The following NWD1 variants were observed in gnomAD, a reference collection of about 807,000 sequenced individuals.
NWD1 encodes the protein NACHT and WD repeat domain containing 1, also known as NACHT domain- and WD repeat-containing protein 1.
NWD1 carries 129 observed loss-of-function variants against 135.1 expected under a neutral mutation model. The ratio of observed to expected loss-of-function variants is 0.96; its 90% CI spans 0.83 to 1.11. The LOEUF is 1.11. NWD1 is among the 50% of genes least tolerant of loss of function. The pLI is 0.00. For missense variants in NWD1, 1,740 were observed against 1,851.3 expected (o/e 0.94, Z 1.10); for synonymous variants, 773 against 786.0 (o/e 0.98, Z 0.28).
At chr19:16,743,438 G>A (rs1379244312) in intron 4 of NWD1, among the ~76,000 whole-genome samples, 3 of 149,096 alleles carry the variant, frequency 2.0e-5, no homozygotes, top group Non-Finnish European at 3.0e-5. Flanking sequence ...TAACTCCTGG[G>A]CTCAAGAGAT....
chr19:16,791,318 A>C, intron 13 of NWD1, 32 bp from the exon 14 acceptor site: 1 of 1,601,452 alleles, frequency 6.2e-7, no homozygotes, highest in Non-Finnish European at 8.5e-7. Context: ...GTCTCCTGCC[A>C]AGATGCTGCT....
At position 16,799,751 on chromosome 19, in the gene NWD1, A is replaced by C. The variant is rs1170748923; in HGVS notation, c.3460-135A>C. ...TCGAACTCCTGACCTCAGGTGATCC[A>C]CCTGCCTCAGCCTCCCAAAGTGTTG... On this transcript the variant is annotated intron_variant, in intron 16 of 18. Transcript: ENST00000524140. 5.7e-6 allele frequency: 4 copies of C among 702,804 alleles called. No individual in the cohort carries two copies. The East Asian group carries it at 7.9e-5, about 14-fold the overall frequency. 43.5% of individuals were successfully genotyped at this position (702,804 alleles called of 1,614,324 possible). A position where few individuals can be genotyped will look rare whatever the true frequency, so the allele number is the denominator to read the frequency against.
intron 10 of NWD1, among the ~76,000 whole-genome samples, chr19:16,766,387 G>A (rs889597748): frequency 1.3e-5 from 2 of 152,114 alleles, no homozygotes; most frequent in African/African-American, 2.4e-5. Context: ...GGGTGACAGA[G>A]CGAGACCCTG....
At chr19:16,779,090 G>C (rs1372892161) in intron 11 of NWD1, among the ~76,000 whole-genome samples, 1 of 152,158 alleles carries the variant, frequency 6.6e-6, no homozygotes, top group East Asian at 1.9e-4. Flanking sequence ...AGACTAGACA[G>C]ACACTTATGA....
At chr19:16,745,467 A>G (rs1401424389) in intron 5 of NWD1, among the ~76,000 whole-genome samples, 5 of 151,614 alleles carry the variant, frequency 3.3e-5, no homozygotes, top group African/African-American at 1.2e-4. Flanking sequence ...AGTAGTGCCT[A>G]CCTGTAATCC....
At chr19:16,806,253 C>T (rs1451045581) in intron 17 of NWD1, among the ~76,000 whole-genome samples, 1 of 152,170 alleles carries the variant, frequency 6.6e-6, no homozygotes, top group East Asian at 1.9e-4. Context: ...AAATCCCTCA[C>T]TGTCCAATTC....
At chr19:16,772,342 G>A (rs1969443860) in intron 10 of NWD1, among the ~76,000 whole-genome samples, 2 of 151,604 alleles carry the variant, frequency 1.3e-5, no homozygotes, top group South Asian at 4.2e-4. Context: ...TCCAGCCTGG[G>A]TGACAGAGTA....
Position 16,750,044 on chromosome 19 carries a change from G to A in NWD1, c.1402G>A (p.Ala468Thr). The A allele has an allele frequency of 6.2e-6, 10 of 1,613,912 alleles. No homozygotes were observed. Among genetic ancestry groups the A allele is most frequent in the Non-Finnish European group, 8.5e-6 (10 of 1,179,976 alleles). ...CPPRVHLILS[A>T]CSGALGVLDT... ...CCCGAGGGTGCACCTCATCCTCTCA[G>A]CTTGCTCGGGGGCACTGGGGGTTTT... The change falls in exon 6 of 19, where the codon GCT becomes ACT. Residue 468 changes from alanine to threonine, a missense_variant. Ala to Thr is a moderately conservative substitution (Grantham distance 58). Transcript: ENST00000524140.
intron 2 of NWD1, among the ~76,000 whole-genome samples, chr19:16,724,898 T>G (rs1231938457): frequency 6.6e-6 from 1 of 152,028 alleles, no homozygotes; most frequent in African/African-American, 2.4e-5. Context: ...TTCACCATGT[T>G]GGCCAGGCTG....
chr19:16,726,131 T>A (rs1448779502), intron 2 of NWD1, among the ~76,000 whole-genome samples: 1 of 151,836 alleles, frequency 6.6e-6, no homozygotes, highest in African/African-American at 2.4e-5. Context: ...CCCGGCTAAT[T>A]TTGTATTTTT....
Position 16,749,994 on chromosome 19 carries a change from T to C in NWD1, c.1352T>C (p.Val451Ala). 2.5e-6 allele frequency: 4 copies of C among 1,613,542 alleles called. No homozygotes were observed. Among genetic ancestry groups the C allele is most frequent in the Non-Finnish European group, 3.4e-6 (4 of 1,179,924 alleles). The change falls in exon 6 of 19, where the codon GTT (valine) becomes GCT (alanine). Residue 451 changes from valine (V) to alanine (A), a missense_variant. Val to Ala is a moderately conservative substitution (Grantham distance 64). Coordinates refer to ENST00000524140, the MANE Select transcript of NWD1 (RefSeq NM_001007525.5). Reference sequence around the variant, plus strand: ...GACTCTGTCCGCCATGCTCGGAGGGTTCCCTGGCTGCCTCTCAACTGCCCC... The same window carrying C: ...GACTCTGTCCGCCATGCTCGGAGGGCTCCCTGGCTGCCTCTCAACTGCCCC... ...DLDSVRHARR[V>A]PWLPLNCPPR... is the part of the protein sequence containing the mutation.
At chr19:16,809,618 G>T (rs1207376771) in intron 18 of NWD1, among the ~76,000 whole-genome samples, 1 of 147,646 alleles carries the variant, frequency 6.8e-6, no homozygotes, top group Non-Finnish European at 1.5e-5. Context: ...GCAGTGGTGC[G>T]ATCTCGGCTC....
At position 16,749,200 on chromosome 19, in the gene NWD1, C is replaced by T. The variant is rs773760804; in HGVS notation, c.558C>T (p.Thr186=). Reference sequence around the variant, plus strand: ...CAGAGGACCGGGAACAGGGAGCCACCGTCTTCCTTAGAGAGATCCAAGACC... The same window carrying T: ...CAGAGGACCGGGAACAGGGAGCCACTGTCTTCCTTAGAGAGATCCAAGACC... ...LSSEDREQGA[T]VFLREIQDLH... The change falls in exon 6 of 19, where the codon ACC becomes ACT. Residue 186 remains threonine (T), a synonymous_variant. Coordinates refer to ENST00000524140, the MANE Select transcript of NWD1 (RefSeq NM_001007525.5). The T allele has an allele frequency of 2.9e-5, 47 of 1,613,544 alleles. No individual in the cohort carries two copies. The highest frequency in any genetic ancestry group is 1.2e-4 in the Admixed American group (7 of 59,954).
rs1177313350 is a variant in NWD1, at chr19:16,808,034, G to C, written c.4185G>C (p.Glu1395Asp). 10 of 1,613,994 alleles carry C rather than the reference G, an allele frequency of 6.2e-6. No homozygotes were observed. The East Asian group carries it at 2.2e-4, about 36-fold the overall frequency. Residue 1395 changes from glutamate (E) to aspartate (D), a missense_variant, in exon 18 of 19, where the codon GAG becomes GAC. Coordinates refer to ENST00000524140, the MANE Select transcript of NWD1 (RefSeq NM_001007525.5). ...ETHRSRVACV[E>D]VSHKEQLVVS... ...ACAGGAGCCGAGTTGCCTGTGTGGAGGTCAGCCACAAGGAGCAGCTGGTGG... is the reference window on the plus strand; with the variant it reads ...ACAGGAGCCGAGTTGCCTGTGTGGACGTCAGCCACAAGGAGCAGCTGGTGG...
intron 4 of NWD1, among the ~76,000 whole-genome samples, chr19:16,742,916 A>ATTC (rs1968145804): frequency 7.3e-6 from 1 of 136,936 alleles, no homozygotes; most frequent in East Asian, 2.1e-4. Context: ...TATTATTATT[A>ATTC]TTATTATTTT....
intron 2 of NWD1, among the ~76,000 whole-genome samples, chr19:16,725,472 T>C (rs1361316941): frequency 1.3e-5 from 2 of 152,046 alleles, no homozygotes; most frequent in Non-Finnish European, 2.9e-5. Flanking sequence ...AGCAAGACTC[T>C]GTATCACCTA....
At chr19:16,787,904 A>C (rs201334354) in intron 12 of NWD1, among the ~76,000 whole-genome samples, 12,030 of 120,762 alleles carry the variant, frequency 0.1, 735 homozygotes, top group Middle Eastern at 0.17. Flanking sequence ...TAATAATAAT[A>C]ATCATCATCA....
At chr19:16,810,717 C>T (rs1970900376) in intron 18 of NWD1, among the ~76,000 whole-genome samples, 1 of 152,102 alleles carries the variant, frequency 6.6e-6, no homozygotes, top group African/African-American at 2.4e-5. Flanking sequence ...GAGCTATGAT[C>T]TCGCCACTGC....
chr19:16,758,716 G>C (rs1415878151), intron 6 of NWD1, among the ~76,000 whole-genome samples: 1 of 152,016 alleles, frequency 6.6e-6, no homozygotes, highest in Non-Finnish European at 1.5e-5. Flanking sequence ...GTTGAGGAGC[G>C]GGCCATTTAT....
Sources: gnomAD v4.1 joint callset for allele counts (sites outside exome capture counted in the v4.1 genomes callset) on GRCh38, gnomAD v4.1.1 for gene constraint, MANE v1.5 for transcripts, NCBI Gene and HGNC (gene_info 2026-07-23, HGNC 2026-07-21) for gene names.